Variants in ATG13 observed in about 807,000 individuals in gnomAD.
ATG13 encodes autophagy related 13, also known as autophagy-related protein 13.
Under a neutral mutation model 65.5 loss-of-function variants are expected in ATG13, and 23 were observed. The observed-to-expected ratio is 0.35, with a 90% CI of 0.25 to 0.50. The LOEUF (loss-of-function observed/expected upper bound fraction) is 0.50, where lower values mean the gene tolerates loss of function less well. Ranked by LOEUF, ATG13 falls within the 20% of genes least tolerant of loss-of-function variation. The pLI, the probability that ATG13 is intolerant of heterozygous loss-of-function variation, is 0.98. For missense variants in ATG13, 566 were observed against 677.0 expected (o/e 0.84, Z 1.82); for synonymous variants, 252 against 245.2 (o/e 1.03, Z -0.26).
At chr11:46,635,103 G>A (rs2053505413) in intron 2 of ATG13, among the ~76,000 whole-genome samples, 1 of 151,862 alleles carries the variant, frequency 6.6e-6, no homozygotes, top group African/African-American at 2.4e-5. Flanking sequence ...TGCCTCCCAA[G>A]TTCAAGCGAT....
chr11:46,655,405 A>AAAAC (rs750201174), intron 7 of ATG13, among the ~76,000 whole-genome samples: 9 of 151,736 alleles, frequency 5.9e-5, no homozygotes, highest in East Asian at 1.9e-4. Context: ...CTCAAAAAGC[A>AAAAC]AAACAAACAA....
intron 2 of ATG13, among the ~76,000 whole-genome samples, chr11:46,633,803 C>T (rs117492279): frequency 0.017 from 2,602 of 152,096 alleles, 36 homozygotes; most frequent in Non-Finnish European, 0.029. Flanking sequence ...GGTGTGAGAC[C>T]CTGTTTCCAA....
rs1243629998 is a variant in ATG13 at position 46,657,189 on chromosome 11, C to G, written c.594C>G (p.Thr198=). 1.2e-6 allele frequency: 2 copies of G among 1,611,970 alleles called. No individual in the cohort carries two copies. Among genetic ancestry groups the G allele is most frequent in the Non-Finnish European group, 1.7e-6 (2 of 1,178,266 alleles). The change falls in exon 9 of 19, where the codon ACC becomes ACG. Residue 198 remains threonine, a splice_region_variant and synonymous_variant. Coordinates refer to ENST00000683050, the MANE Select transcript of ATG13 (RefSeq NM_001346311.2). ...GAATTAACTTGGCATTCATGTCTACCAGGTGAGGAAGAGCCCTGGAATCCA... is the reference window on the plus strand; with the variant it reads ...GAATTAACTTGGCATTCATGTCTACGAGGTGAGGAAGAGCCCTGGAATCCA... The part of the protein sequence containing the change: ...AYRINLAFMS[T]RQFERTPPIM...
chr11:46,627,614 G>T (rs1051301343), intron 1 of ATG13, among the ~76,000 whole-genome samples: 1 of 151,826 alleles, frequency 6.6e-6, no homozygotes, highest in Non-Finnish European at 1.5e-5. Flanking sequence ...GGGATTACAG[G>T]CATGTGTCAC....
chr11:46,628,123 G>C (rs1015829589), intron 1 of ATG13, among the ~76,000 whole-genome samples: 18 of 151,184 alleles, frequency 1.2e-4, no homozygotes, highest in African/African-American at 4.4e-4. Flanking sequence ...AAGCATTTTG[G>C]CCAGGCATGG....
intron 2 of ATG13, among the ~76,000 whole-genome samples, chr11:46,641,726 AT>A (rs1265050991): frequency 6.7e-6 from 1 of 149,574 alleles, no homozygotes; most frequent in Non-Finnish European, 1.5e-5. Context: ...TACACCCAAG[AT>A]TTGTGCATTT....
intron 10 of ATG13, 167 bp from the exon 11 acceptor site, chr11:46,659,225 C>T (rs927665387): frequency 2.1e-5 from 12 of 569,756 alleles, no homozygotes; most frequent in Non-Finnish European, 3.1e-5. Flanking sequence ...GTGCCACTCT[C>T]TGGAATGTTT....
intron 7 of ATG13, among the ~76,000 whole-genome samples, chr11:46,650,757 C>T (rs772701651): frequency 2.6e-5 from 4 of 152,198 alleles, no homozygotes; most frequent in Non-Finnish European, 4.4e-5. Flanking sequence ...AGGCACCCGC[C>T]ACCATGCTCA....
intron 12 of ATG13, 65 bp from the exon 13 acceptor site, chr11:46,664,784 C>G: frequency 7.0e-7 from 1 of 1,432,812 alleles, no homozygotes; most frequent in Non-Finnish European, 9.8e-7. Context: ...TTGTTTGTCA[C>G]GCTCTGGGAT....
chr11:46,633,017 T>A (rs1209491783), intron 2 of ATG13, among the ~76,000 whole-genome samples: 1 of 101,274 alleles, frequency 9.9e-6, no homozygotes, highest in African/African-American at 6.2e-5. Flanking sequence ...TATATATATA[T>A]ATATATATAT....
chr11:46,634,912 A>G (rs958613825), intron 2 of ATG13, among the ~76,000 whole-genome samples: 1 of 151,428 alleles, frequency 6.6e-6, no homozygotes, highest in Non-Finnish European at 1.5e-5. Flanking sequence ...CATATTGGCC[A>G]GGCTTTTCTT....
At chr11:46,640,645 G>A (rs2136176487) in intron 2 of ATG13, among the ~76,000 whole-genome samples, 1 of 152,292 alleles carries the variant, frequency 6.6e-6, no homozygotes, top group Non-Finnish European at 1.5e-5. Flanking sequence ...AACAGAGCAA[G>A]ATTTTGTCTC....
At chr11:46,625,668 TC>T (rs2049314699) in intron 1 of ATG13, among the ~76,000 whole-genome samples, 1 of 152,150 alleles carries the variant, frequency 6.6e-6, no homozygotes, top group African/African-American at 2.4e-5. Context: ...GAAGAGGAAT[TC>T]CGCTGAGGGG....
In ATG13 at chr11:46,657,102, G is replaced by A. The variant is rs953277281; in HGVS notation, c.507G>A (p.Gln169=). The A allele has an allele frequency of 5.0e-6, 8 of 1,613,576 alleles. No individual in the cohort carries two copies. The Admixed American group carries it at 1.0e-4, about 20-fold the overall frequency. ...ATGTATCTCTTCTCCTAGGCTTCCA[G>A]ACAGTTCGTGTTGGGACAGTGGGCA... ...VQLSGLGEGF[Q]TVRVGTVGTP... Residue 169 remains glutamine (Q), a synonymous_variant, in exon 9 of 19, where the codon CAG becomes CAA. Coordinates refer to ENST00000683050, the MANE Select transcript of ATG13 (RefSeq NM_001346311.2).
chr11:46,671,982 A>G (rs1267756759), intron 18 of ATG13, among the ~76,000 whole-genome samples: 1 of 152,228 alleles, frequency 6.6e-6, no homozygotes, highest in African/African-American at 2.4e-5. Flanking sequence ...TTTCTGAATC[A>G]TCTTGCTCTT....
chr11:46,665,105 TGACTCGAGAGGAAGGAGCCTCTTA>T, intron 13 of ATG13, 146 bp downstream of exon 13: 1 of 899,544 alleles, frequency 1.1e-6, no homozygotes, highest in Middle Eastern at 3.5e-4. Flanking sequence ...AGACCAAAAG[TGACTCGAGAGGAAGGAGCCTCTTA>T]GACTTCAGAA....
chr11:46,668,606 G>C (rs760816046), intron 16 of ATG13, 30 bp downstream of exon 16: 2 of 1,601,028 alleles, frequency 1.2e-6, no homozygotes, highest in African/African-American at 2.7e-5. Flanking sequence ...CGAGTTCCCA[G>C]TAGATGGTGC....
At chr11:46,625,825 G>A (rs143116301) in intron 1 of ATG13, among the ~76,000 whole-genome samples, 81 of 152,300 alleles carry the variant, frequency 5.3e-4, no homozygotes, top group African/African-American at 1.5e-3. Context: ...GATTTTAGGC[G>A]CATAAAGGAA....
rs1454929146 is a variant in ATG13 at position 46,673,779 on chromosome 11, G to C, written c.*1447G>C. On this transcript the variant is annotated 3_prime_UTR_variant, in exon 19 of 19. Transcript: ENST00000683050. The stretch of plus-strand genomic sequence containing the variant: ...TTTCCCAGCCTCGCTGGTAGTCCTG[G>C]TCAAGGAGATCTAGGTCTACTCCAT... 1 of 152,230 alleles carries C rather than the reference G, an allele frequency of 6.6e-6. No homozygotes were observed. Among genetic ancestry groups the C allele is most frequent in the African/African-American group, 2.4e-5 (1 of 41,434 alleles). 9.4% of individuals were successfully genotyped at this position (152,230 alleles called of 1,614,324 possible).
Sources: allele counts gnomAD v4.1 joint callset (sites outside exome capture counted in the v4.1 genomes callset), GRCh38; gene constraint gnomAD v4.1.1; transcripts MANE v1.5; gene names NCBI Gene and HGNC (gene_info 2026-07-23, HGNC 2026-07-21).